The following RALGAPB variants were observed in gnomAD, a reference collection of about 807,000 sequenced individuals.
RALGAPB encodes ral GTPase-activating protein subunit beta.
RALGAPB carries 25 observed loss-of-function variants against 161.1 expected under a neutral mutation model. The ratio of observed to expected loss-of-function variants is 0.16; its 90% CI spans 0.11 to 0.22. RALGAPB has a LOEUF of 0.22. Among genes scored for constraint, RALGAPB ranks in the 10% least tolerant of loss-of-function variants. The pLI, the probability that RALGAPB is intolerant of heterozygous loss-of-function variation, is 1.00. For synonymous variants in RALGAPB, 629 were observed against 626.1 expected (o/e 1.00, Z -0.07); for missense variants, 1,391 against 1,815.2 (o/e 0.77, Z 4.25).
chr20:38,496,347 C>T (rs1284442910), intron 3 of RALGAPB, among the ~76,000 whole-genome samples: 2 of 152,150 alleles, frequency 1.3e-5, no homozygotes, highest in Non-Finnish European at 2.9e-5. Flanking sequence ...ACTTCATTTT[C>T]TGGAATTTCT....
Position 38,477,618 on chromosome 20 carries a change from A to C in RALGAPB, c.-31+4549A>C, listed in dbSNP as rs1249711350. ...TATGGATGAATTTGGTGCACCTTAA[A>C]AAAAGCACAGTTTATTTATTTGCTC... On this transcript the variant is annotated intron_variant, in intron 1 of 29. Coordinates refer to ENST00000262879, the MANE Select transcript of RALGAPB (RefSeq NM_020336.4). Among the ~76,000 whole-genome samples the C allele has an allele frequency of 2.0e-5, 3 of 152,188 alleles. No individual in the cohort carries two copies. The East Asian group carries it at 5.8e-4, about 29-fold the overall frequency.
At chr20:38,567,525 C>T (rs1306868938) in intron 26 of RALGAPB, among the ~76,000 whole-genome samples, 1 of 152,074 alleles carries the variant, frequency 6.6e-6, no homozygotes, top group Non-Finnish European at 1.5e-5. Context: ...CCTGAAATAT[C>T]CACTAAAGTT....
chr20:38,526,539 C>T (rs1466446007), intron 13 of RALGAPB, among the ~76,000 whole-genome samples: 1 of 152,158 alleles, frequency 6.6e-6, no homozygotes, highest in Non-Finnish European at 1.5e-5. Flanking sequence ...CTTTATATCC[C>T]TCCTGCTGGG....
intron 4 of RALGAPB, 71 bp from the exon 5 acceptor site, chr20:38,499,376 C>T (rs974463581): frequency 1.6e-5 from 21 of 1,331,190 alleles, no homozygotes; most frequent in Non-Finnish European, 2.1e-5. Context: ...CCAGTTCTCC[C>T]AAATCAGTGT....
At chr20:38,544,328 A>G (rs2087079982) in intron 18 of RALGAPB, among the ~76,000 whole-genome samples, 1 of 150,180 alleles carries the variant, frequency 6.7e-6, no homozygotes, top group South Asian at 2.1e-4. Flanking sequence ...TCTCTGGTTC[A>G]TTTCTGCTGT....
chr20:38,567,328 ATAT>A (rs2088043149), intron 26 of RALGAPB, 96 bp downstream of exon 26: 4 of 1,473,238 alleles, frequency 2.7e-6, no homozygotes, highest in Non-Finnish European at 3.6e-6. Context: ...GAGAGTATTT[ATAT>A]CAGAGTACTG....
rs191362414 is a variant in RALGAPB, at chr20:38,553,958, A to G, written c.3254A>G (p.Gln1085Arg). 1.3e-4 allele frequency: 203 copies of G among 1,613,552 alleles called. No homozygotes were observed. In the East Asian group the frequency reaches 3.6e-3, roughly 29 times the overall value. The change falls in exon 22 of 30, where the codon CAG (glutamine) becomes CGG (arginine). Residue 1085 changes from glutamine (Q) to arginine (R), a missense_variant. By Grantham distance (43) the Gln-to-Arg change is conservative. Around this residue, in one of 3 missense-constraint regions of RALGAPB, gnomAD observed 436 missense variants for 527.0 expected, o/e 0.83. Coordinates refer to ENST00000262879, the MANE Select transcript of RALGAPB (RefSeq NM_020336.4). ...GAGCAACAGAGTGAGGAGGAATTGC[A>G]GAAGAGAAGTTTTCCTGACCCAGTT... ...HLEQQSEEEL[Q>R]KRSFPDPVTD...
chr20:38,538,449 C>T, intron 16 of RALGAPB: 1 of 165,040 alleles, frequency 6.1e-6, no homozygotes, highest in East Asian at 1.8e-4. Flanking sequence ...CATGCTCTAC[C>T]CAGCCCCAAC....
chr20:38,525,794 G>A lies in RALGAPB; in HGVS notation c.1903-101G>A, dbSNP rs996294358. 1.4e-5 allele frequency: 17 copies of A among 1,232,448 alleles called. No homozygotes were observed. In the African/African-American group the frequency reaches 2.1e-4, roughly 15 times the overall value. The allele number at this position is 1,232,448 out of a possible 1,614,324, so 76.3% of individuals were successfully genotyped here. A position where few individuals can be genotyped will look rare whatever the true frequency, so the allele number is the denominator to read the frequency against. ...CACAGTGGCTAATATTAGACTGAAA[G>A]CCTTTCTCATTATACTGATCCGTTC... On this transcript the variant is annotated intron_variant, in intron 12 of 29. Transcript: ENST00000262879.
intron 4 of RALGAPB, among the ~76,000 whole-genome samples, chr20:38,498,659 T>G (rs2085496507): frequency 6.6e-6 from 1 of 152,218 alleles, no homozygotes; most frequent in Admixed American, 6.5e-5. Flanking sequence ...TTTTGCTCAT[T>G]TGAAACACAC....
intron 1 of RALGAPB, among the ~76,000 whole-genome samples, chr20:38,477,168 GC>G (rs2084827155): frequency 6.6e-6 from 1 of 152,176 alleles, no homozygotes; most frequent in Non-Finnish European, 1.5e-5. Flanking sequence ...TGACTTGTAA[GC>G]ATTTAAAATG....
At chr20:38,568,421 A>G (rs532032948) in intron 26 of RALGAPB, 1 of 152,320 alleles carries the variant, frequency 6.6e-6, no homozygotes, top group East Asian at 1.9e-4. Context: ...TACAGCTAAC[A>G]TTATACTTAT....
At chr20:38,561,794 G>A (rs1431028046) in intron 23 of RALGAPB, among the ~76,000 whole-genome samples, 1 of 152,134 alleles carries the variant, frequency 6.6e-6, no homozygotes, top group Non-Finnish European at 1.5e-5. Context: ...ACATTTAGCA[G>A]CATCTTTGGC....
At chr20:38,500,562 T>G (rs1568916475) in intron 5 of RALGAPB, among the ~76,000 whole-genome samples, 1 of 152,196 alleles carries the variant, frequency 6.6e-6, no homozygotes, top group Non-Finnish European at 1.5e-5. Context: ...ATACTGAAAT[T>G]AGGCCAATTA....
In RALGAPB at chr20:38,569,993, A is replaced by G; in HGVS notation, c.4060A>G (p.Ile1354Val). The part of the protein sequence containing the change: ...SVVWVERYDD[I>V]ENFPLSELMT... ...AGTCTGGGTGGAACGCTATGATGAT[A>G]TAGGTACTGTATGAGGACTTTGTCC... Residue 1354 changes from isoleucine (I) to valine (V), a missense_variant, in exon 27 of 30, where the codon ATA (isoleucine) becomes GTA (valine). Transcript: ENST00000262879. 6.2e-7 allele frequency: 1 copy of G among 1,607,480 alleles called. No individual in the cohort carries two copies. The highest frequency in any genetic ancestry group is 8.5e-7 in the Non-Finnish European group (1 of 1,174,202).
chr20:38,575,172 C>G lies in RALGAPB; in HGVS notation c.*205C>G. On this transcript the variant is annotated 3_prime_UTR_variant, in exon 30 of 30. Coordinates refer to ENST00000262879, the MANE Select transcript of RALGAPB (RefSeq NM_020336.4). ...AAATGGGCTCCCAGACACAATCACA[C>G]TCCTGCTGATAATGATGATATACAT... 2 of 530,968 alleles carry G rather than the reference C, an allele frequency of 3.8e-6. No homozygotes were observed. The highest frequency in any genetic ancestry group is 5.4e-5 in the South Asian group (2 of 37,016). 32.9% of individuals were successfully genotyped at this position (530,968 alleles called of 1,614,324 possible). A position where few individuals can be genotyped will look rare whatever the true frequency, so the allele number is the denominator to read the frequency against.
intron 22 of RALGAPB, among the ~76,000 whole-genome samples, chr20:38,556,170 A>C (rs770021960): frequency 6.6e-6 from 1 of 152,172 alleles, no homozygotes; most frequent in African/African-American, 2.4e-5. Context: ...AACTAGAGGA[A>C]TCTTTTGTTA....
At chr20:38,510,231 T>G (rs1220092008) in intron 6 of RALGAPB, among the ~76,000 whole-genome samples, 3 of 151,894 alleles carry the variant, frequency 2.0e-5, no homozygotes, top group Non-Finnish European at 4.4e-5. Context: ...GGTCTCAAAC[T>G]CCTGGACTTA....
In RALGAPB at chr20:38,485,320, A is replaced by G. The variant is rs190992467; in HGVS notation, c.-30-3083A>G. ...TACTCATTGTGCTAACCAAAAGTAC[A>G]CTTATTTCCACAGTGCCTCTAGGTG... On this transcript the variant is annotated intron_variant, in intron 1 of 29. Transcript: ENST00000262879. 2.9e-3 allele frequency among the ~76,000 whole-genome samples: 435 copies of G among 152,262 alleles called. 3 individuals carry two copies. The highest frequency in any genetic ancestry group is 7.5e-3 in the South Asian group (36 of 4,820).
Sources: allele counts gnomAD v4.1 joint callset (sites outside exome capture counted in the v4.1 genomes callset), GRCh38; gene constraint gnomAD v4.1.1; regional missense constraint gnomAD v4.1.1; transcripts MANE v1.5; gene names NCBI Gene and HGNC (gene_info 2026-07-23, HGNC 2026-07-21).